Variants in NTSR1 observed in about 807,000 individuals in gnomAD.
The protein encoded by NTSR1 is neurotensin receptor 1.
In NTSR1, 29 loss-of-function variants were observed where a neutral mutation model predicts 31.2. That is an observed-to-expected ratio of 0.93 (90% CI 0.69 to 1.27). NTSR1 has a LOEUF of 1.27. NTSR1 is among the 50% of genes most tolerant of loss of function. The pLI is 0.00. For synonymous variants in NTSR1, 282 were observed against 269.9 expected, an observed-to-expected ratio of 1.04 and a Z score of -0.44; for missense variants, 697 against 595.4, an observed-to-expected ratio of 1.17 and a Z score of -1.78.
chr20:62,730,008 C>A (rs1238708100), intron 1 of NTSR1, among the ~76,000 whole-genome samples: 1 of 152,112 alleles, frequency 6.6e-6, no homozygotes, highest in African/African-American at 2.4e-5. Context: ...CATGGTGTCT[C>A]CTGGCCCTCA....
chr20:62,752,115 G>A (rs1330840227), intron 1 of NTSR1, among the ~76,000 whole-genome samples: 1 of 152,176 alleles, frequency 6.6e-6, no homozygotes, highest in Non-Finnish European at 1.5e-5. Context: ...GTGTTTTATA[G>A]GGACTGGATG....
chr20:62,708,857 C>G lies in NTSR1; in HGVS notation c.-351C>G, dbSNP rs979229532. The stretch of plus-strand genomic sequence containing the variant: ...CGCCACAAGCTCGCCCCGCGCAGCC[C>G]GAGCCGGGCTGGGCGCTGTCCTCGG... On this transcript the variant is annotated 5_prime_UTR_variant, in exon 1 of 4. Coordinates refer to ENST00000370501, the MANE Select transcript of NTSR1 (RefSeq NM_002531.3). The surrounding 1 kb of genome is among the most constrained non-coding windows in gnomAD (Gnocchi z 5.9). 4.0e-6 allele frequency: 1 copy of G among 249,502 alleles called. No homozygotes were observed. Among genetic ancestry groups the G allele is most frequent in the Non-Finnish European group, 7.6e-6 (1 of 132,060 alleles). The allele number at this position is 249,502 out of a possible 1,614,324, so 15.5% of individuals were successfully genotyped here.
intron 1 of NTSR1, among the ~76,000 whole-genome samples, chr20:62,737,426 C>T (rs1049675922): frequency 3.9e-5 from 6 of 152,214 alleles, no homozygotes; most frequent in Admixed American, 6.5e-5. Context: ...TCCGTGCAGT[C>T]GGAGAGCCCC....
At chr20:62,736,490 T>G (rs1428624474) in intron 1 of NTSR1, among the ~76,000 whole-genome samples, 2 of 151,638 alleles carry the variant, frequency 1.3e-5, no homozygotes, top group African/African-American at 4.9e-5. Flanking sequence ...GGAGAGGGGG[T>G]TTGGGAGAGG....
intron 1 of NTSR1, among the ~76,000 whole-genome samples, chr20:62,723,425 C>T (rs937581141): frequency 1.3e-5 from 2 of 152,186 alleles, no homozygotes; most frequent in Non-Finnish European, 2.9e-5. Context: ...ATAGAGCCGT[C>T]CGGAATGTGC....
chr20:62,723,551 G>T (rs1242936157), intron 1 of NTSR1, among the ~76,000 whole-genome samples: 1 of 152,214 alleles, frequency 6.6e-6, no homozygotes, highest in Admixed American at 6.5e-5. Flanking sequence ...TTATTGCCTG[G>T]AGCTGAGGGA....
Position 62,754,668 on chromosome 20 carries a change from C to T in NTSR1, c.715-17C>T. Reference sequence around the variant, plus strand: ...CCCGCTGCTGGCTCTGACAGCCTCGCCCTTCCTCTCCTGCAGGTCAACACC... The same window carrying T: ...CCCGCTGCTGGCTCTGACAGCCTCGTCCTTCCTCTCCTGCAGGTCAACACC... On this transcript the variant is annotated splice_polypyrimidine_tract_variant and intron_variant, in intron 1 of 3. Coordinates refer to ENST00000370501, the MANE Select transcript of NTSR1 (RefSeq NM_002531.3). 1 of 1,607,532 alleles carries T rather than the reference C, an allele frequency of 6.2e-7. No homozygotes were observed. Among genetic ancestry groups the T allele is most frequent in the South Asian group, 1.1e-5 (1 of 91,008 alleles).
At chr20:62,718,681 G>A (rs966043170) in intron 1 of NTSR1, among the ~76,000 whole-genome samples, 12 of 152,128 alleles carry the variant, frequency 7.9e-5, no homozygotes, top group Non-Finnish European at 1.5e-5. Flanking sequence ...CCTCTGAGCT[G>A]TTGCCTGCAT....
chr20:62,724,598 A>T (rs1435070428), intron 1 of NTSR1, among the ~76,000 whole-genome samples: 2 of 152,074 alleles, frequency 1.3e-5, no homozygotes, highest in Non-Finnish European at 2.9e-5. Context: ...CTGTGTTTTG[A>T]CAGCTCCAAC....
intron 1 of NTSR1, among the ~76,000 whole-genome samples, chr20:62,730,228 A>G (rs960913955): frequency 6.6e-6 from 1 of 152,162 alleles, no homozygotes; most frequent in Admixed American, 6.5e-5. Flanking sequence ...TCATTGCCCG[A>G]AAAAATCCTT....
chr20:62,755,045 C>T (rs1367172713), intron 2 of NTSR1, among the ~76,000 whole-genome samples, 159 bp downstream of exon 2: 2 of 151,812 alleles, frequency 1.3e-5, no homozygotes, highest in African/African-American at 4.8e-5. Flanking sequence ...GGGTGAGTGC[C>T]ATTCTGCACT....
chr20:62,738,509 A>G (rs1354051902), intron 1 of NTSR1, among the ~76,000 whole-genome samples: 1 of 152,220 alleles, frequency 6.6e-6, no homozygotes, highest in African/African-American at 2.4e-5. Flanking sequence ...CCACCAGCGA[A>G]GTATCATGAA....
intron 1 of NTSR1, among the ~76,000 whole-genome samples, chr20:62,724,015 G>A (rs1363983133): frequency 1.3e-5 from 2 of 152,236 alleles, no homozygotes; most frequent in Non-Finnish European, 1.5e-5. Context: ...TCTGCCCAGT[G>A]GCTTCAACCA....
rs1394394012 is a variant in NTSR1 at position 62,708,984 on chromosome 20, G to A, written c.-224G>A. On this transcript the variant is annotated 5_prime_UTR_variant, in exon 1 of 4. Coordinates refer to ENST00000370501, the MANE Select transcript of NTSR1 (RefSeq NM_002531.3). The surrounding 1 kb of genome is among the most constrained non-coding windows in gnomAD (Gnocchi z 5.9). ...GAGGAACCACGGGTTCTGGAGCTAG[G>A]AGCCGGAAGCTGGGAGTCCGGAGGA... 4.6e-6 allele frequency: 2 copies of A among 437,656 alleles called. No homozygotes were observed. The highest frequency in any genetic ancestry group is 8.0e-6 in the Non-Finnish European group (2 of 250,962). 27.1% of individuals were successfully genotyped at this position (437,656 alleles called of 1,614,324 possible).
At position 62,733,779 on chromosome 20, in the gene NTSR1, G is replaced by C. The variant is rs1204907177; in HGVS notation, c.715-20906G>C. ...AAAGGGAGGAACAGAGGAGAGAGAG[G>C]GGAGGAGGGGGAGGGAGACAGCACC... On this transcript the variant is annotated intron_variant, in intron 1 of 3. Transcript: ENST00000370501. The surrounding 1 kb of genome is among the most constrained non-coding windows in gnomAD (Gnocchi z 5.2). 6.6e-6 allele frequency among the ~76,000 whole-genome samples: 1 copy of C among 151,410 alleles called. No homozygotes were observed. The highest frequency in any genetic ancestry group is 2.4e-5 in the African/African-American group (1 of 41,140).
rs375562569 is a variant in NTSR1 at position 62,711,218 on chromosome 20, A to C, written c.714+1297A>C. On this transcript the variant is annotated intron_variant, in intron 1 of 3. Transcript: ENST00000370501. The surrounding 1 kb of genome is among the most constrained non-coding windows in gnomAD (Gnocchi z 6.4). ...TAGAACTGGTGGCTACAGGTGTCCC[A>C]TCTCGGGGAGGCCCCTCCCACAGAC... Among the ~76,000 whole-genome samples, 28 of 152,114 alleles carry C rather than the reference A, an allele frequency of 1.8e-4. No individual in the cohort carries two copies. Among genetic ancestry groups the C allele is most frequent in the African/African-American group, 6.0e-4 (25 of 41,494 alleles).
intron 1 of NTSR1, among the ~76,000 whole-genome samples, chr20:62,753,623 C>T (rs1007741356): frequency 2.0e-4 from 30 of 152,334 alleles, no homozygotes; most frequent in East Asian, 5.8e-4. Flanking sequence ...GGCACAGGAT[C>T]GAACCCGCAA....
chr20:62,725,907 C>T (rs954888252), intron 1 of NTSR1, among the ~76,000 whole-genome samples: 3 of 151,952 alleles, frequency 2.0e-5, no homozygotes, highest in Non-Finnish European at 4.4e-5. Flanking sequence ...GGAAAGGTGG[C>T]CGGCCCTGGC....
rs1439455975 is a variant in NTSR1 at position 62,731,116 on chromosome 20, C to A, written c.714+21195C>A. Among the ~76,000 whole-genome samples the A allele has an allele frequency of 2.0e-5, 3 of 152,098 alleles. No individual in the cohort carries two copies. In the East Asian group the frequency reaches 5.8e-4, roughly 29 times the overall value. ...TTTTTGTTTTTGAGACGGAGTTTCG[C>A]TCTTGTTGCCCAGGCTGGAGTGTAA... On this transcript the variant is annotated intron_variant, in intron 1 of 3. Coordinates refer to ENST00000370501, the MANE Select transcript of NTSR1 (RefSeq NM_002531.3).
Sources: allele counts gnomAD v4.1 joint callset (sites outside exome capture counted in the v4.1 genomes callset), GRCh38; gene constraint gnomAD v4.1.1; non-coding constraint Gnocchi (gnomAD v3.1); transcripts MANE v1.5; gene names NCBI Gene and HGNC (gene_info 2026-07-23, HGNC 2026-07-21).